The following TBC1D7 variants were observed in gnomAD, a reference collection of about 807,000 sequenced individuals.
The protein encoded by TBC1D7 is TBC domain family 7.
A neutral mutation model predicts 35.3 loss-of-function variants in TBC1D7; 33 were observed. That is an observed-to-expected ratio of 0.93 (90% CI 0.71 to 1.25). TBC1D7 has a LOEUF of 1.25. Among genes scored for constraint, TBC1D7 ranks in the 50% most tolerant of loss-of-function variants. The pLI is 0.00. For missense variants in TBC1D7, 362 were observed against 365.3 expected (o/e 0.99, Z 0.07); for synonymous variants, 135 against 129.5 (o/e 1.04, Z -0.29).
chr6:13,311,271 T>C (rs529756623), intron 5 of TBC1D7, among the ~76,000 whole-genome samples: 13 of 152,334 alleles, frequency 8.5e-5, no homozygotes, highest in South Asian at 8.3e-4. Flanking sequence ...TGCCATACAA[T>C]TGAAGTTGGC....
Position 13,326,803 on chromosome 6 carries a change from TAGG to T in TBC1D7, c.93_95del (p.Leu32del), listed in dbSNP as rs1213222847. 5 of 1,611,702 alleles carry T rather than the reference TAGG, an allele frequency of 3.1e-6. No homozygotes were observed. The highest frequency in any genetic ancestry group is 4.2e-6 in the Non-Finnish European group (5 of 1,178,440). ...AGTACTCACCCAGACGGTCATCTTT[TAGG>T]AGAATTTCTAATGATTTCTTTTCTT... is the stretch of plus-strand genomic sequence containing the variant. On this transcript the variant is annotated inframe_deletion, in exon 2 of 8. Transcript: ENST00000379300.
At chr6:13,309,359 C>T (rs181903468) in intron 5 of TBC1D7, among the ~76,000 whole-genome samples, 5 of 152,078 alleles carry the variant, frequency 3.3e-5, no homozygotes, top group Non-Finnish European at 5.9e-5. Context: ...AATAAGCTCA[C>T]GGGGGGAAGC....
In TBC1D7 at chr6:13,321,100, A is replaced by G. The variant is rs778483633; in HGVS notation, c.194-5T>C. 6.8e-6 allele frequency: 11 copies of G among 1,606,440 alleles called. No individual in the cohort carries two copies. The highest frequency in any genetic ancestry group is 9.4e-6 in the Non-Finnish European group (11 of 1,175,246). On this transcript the variant is annotated splice_polypyrimidine_tract_variant and splice_region_variant and intron_variant, in intron 3 of 7. Coordinates refer to ENST00000379300, the MANE Select transcript of TBC1D7 (RefSeq NM_016495.6). The stretch of plus-strand genomic sequence containing the variant: ...CGTGGTGTGGAGGCAAGATTCCTAG[A>G]GAGAACAGGAAAAACGAAAAAAGGA...
In TBC1D7 at chr6:13,326,890, C is replaced by T. The variant is rs747468752; in HGVS notation, c.9G>A (p.Glu3=). 3.3e-5 allele frequency: 53 copies of T among 1,600,168 alleles called. No individual in the cohort carries two copies. The highest frequency in any genetic ancestry group is 4.2e-5 in the Non-Finnish European group (49 of 1,171,440). MT[E]DSQRNFRSVY... is the part of the protein sequence containing the mutation. The stretch of plus-strand genomic sequence containing the variant: ...CTGAACGAAAGTTTCTCTGAGAGTC[C>T]TCAGTCATATTTCATTCTTGGAGGA... Residue 3 remains glutamate, a synonymous_variant, in exon 2 of 8, where the codon GAG becomes GAA. Transcript: ENST00000379300.
At chr6:13,313,528 GCAT>G (rs1562162228) in intron 5 of TBC1D7, among the ~76,000 whole-genome samples, 2 of 148,678 alleles carry the variant, frequency 1.3e-5, no homozygotes, top group African/African-American at 2.5e-5. Context: ...CTCTGCTTGA[GCAT>G]CTGCTCGTAG....
intron 2 of TBC1D7, among the ~76,000 whole-genome samples, chr6:13,325,600 T>C (rs568321143): frequency 6.6e-6 from 1 of 152,306 alleles, no homozygotes; most frequent in South Asian, 2.1e-4. Context: ...GAGGCAGAGG[T>C]TGCAGTGAGC....
intron 5 of TBC1D7, among the ~76,000 whole-genome samples, chr6:13,312,983 T>C (rs1387369895): frequency 1.3e-5 from 2 of 152,160 alleles, no homozygotes; most frequent in Non-Finnish European, 2.9e-5. Context: ...TGTGTCTGTA[T>C]TGAACAGACA....
intron 4 of TBC1D7, chr6:13,319,657 G>A (rs963478921): frequency 2.6e-5 from 4 of 152,026 alleles, no homozygotes; most frequent in South Asian, 4.1e-4. Context: ...ATTACATTAC[G>A]GTTGTATGAG....
intron 5 of TBC1D7, among the ~76,000 whole-genome samples, chr6:13,310,972 A>G (rs1288365376): frequency 6.6e-6 from 1 of 152,110 alleles, no homozygotes; most frequent in African/African-American, 2.4e-5. Flanking sequence ...ATTATGTTTT[A>G]CTCCTAAACA....
intron 5 of TBC1D7, among the ~76,000 whole-genome samples, chr6:13,311,597 G>A (rs79588507): frequency 0.016 from 2,363 of 152,298 alleles, 62 homozygotes; most frequent in African/African-American, 0.052. Context: ...TTTAGGTTTT[G>A]TATACATTCT....
chr6:13,307,942 T>C (rs1028837698), intron 5 of TBC1D7, among the ~76,000 whole-genome samples, 197 bp from the exon 6 acceptor site: 2 of 152,184 alleles, frequency 1.3e-5, no homozygotes, highest in African/African-American at 4.8e-5. Flanking sequence ...CATCCAGGAC[T>C]GAGGAGTTTC....
chr6:13,306,585 A>G (rs1011600784), intron 6 of TBC1D7, 58 bp from the exon 7 acceptor site: 2 of 1,335,660 alleles, frequency 1.5e-6, no homozygotes, highest in Non-Finnish European at 2.0e-6. Flanking sequence ...TGTTTAGCCT[A>G]GACATCTCAA....
intron 5 of TBC1D7, among the ~76,000 whole-genome samples, chr6:13,314,400 A>AT (rs1297856397): frequency 6.6e-6 from 1 of 152,234 alleles, no homozygotes; most frequent in Non-Finnish European, 1.5e-5. Context: ...TTGAGAATGC[A>AT]TTCACCATTT....
chr6:13,320,154 TAAA>T (rs980814602), intron 4 of TBC1D7: 1 of 152,290 alleles, frequency 6.6e-6, no homozygotes, highest in African/African-American at 2.4e-5. Context: ...GCATGAAAGA[TAAA>T]AAAAGACAGA....
intron 5 of TBC1D7, among the ~76,000 whole-genome samples, chr6:13,310,392 C>A (rs1362633782): frequency 1.3e-5 from 2 of 151,730 alleles, no homozygotes; most frequent in African/African-American, 4.8e-5. Context: ...AATCCCAGCA[C>A]TTTGGGAGGC....
At chr6:13,327,775 G>A (rs1784497200) in intron 1 of TBC1D7, 1 of 152,192 alleles carries the variant, frequency 6.6e-6, no homozygotes, top group Non-Finnish European at 1.5e-5. Context: ...GTTAGATTTG[G>A]CGTTTCAAGA....
intron 5 of TBC1D7, among the ~76,000 whole-genome samples, chr6:13,313,372 C>G (rs1158539235): frequency 2.6e-5 from 4 of 152,196 alleles, no homozygotes; most frequent in Non-Finnish European, 5.9e-5. Flanking sequence ...TTGATACTAT[C>G]AAGTATTGGC....
intron 1 of TBC1D7, chr6:13,327,576 A>G (rs1191813928): frequency 1.3e-5 from 2 of 152,222 alleles, no homozygotes; most frequent in Non-Finnish European, 2.9e-5. Flanking sequence ...CCCACAACAA[A>G]TAAATCGCAT....
intron 4 of TBC1D7, among the ~76,000 whole-genome samples, chr6:13,317,892 C>T (rs1036940597): frequency 8.5e-5 from 13 of 152,360 alleles, no homozygotes; most frequent in Middle Eastern, 3.4e-3. Context: ...ATATCTGTCC[C>T]CTCCGAAACT....
Sources: allele counts gnomAD v4.1 joint callset (sites outside exome capture counted in the v4.1 genomes callset), GRCh38; gene constraint gnomAD v4.1.1; transcripts MANE v1.5; gene names NCBI Gene and HGNC (gene_info 2026-07-23, HGNC 2026-07-21).